SKAP1: variants seen among roughly 807,000 people sequenced by gnomAD.
SKAP1 encodes src kinase associated phosphoprotein 1.
A neutral mutation model predicts 58.5 loss-of-function variants in SKAP1; 44 were observed. That is an observed-to-expected ratio of 0.75 (90% CI 0.59 to 0.97). The LOEUF is 0.97. SKAP1 is among the 50% of genes least tolerant of loss of function. The pLI is 0.00. For missense variants in SKAP1, 390 were observed against 435.2 expected (o/e 0.90, Z 0.92); for synonymous variants, 127 against 149.7 (o/e 0.85, Z 1.11).
In SKAP1 at chr17:48,151,002, G is replaced by A. The variant is rs1230084950; in HGVS notation, c.978+11467C>T. On this transcript the variant is annotated intron_variant, in intron 11 of 12. Transcript: ENST00000336915. ...TAGGAGGTCAACAGTTGAAAAGCAA[G>A]ATTTAGAGAGATCTTTAAACAATCA... Among the ~76,000 whole-genome samples the A allele has an allele frequency of 6.7e-5, 10 of 149,020 alleles. No homozygotes were observed. In the Admixed American group the frequency reaches 6.8e-4, roughly 10 times the overall value.
intron 11 of SKAP1, among the ~76,000 whole-genome samples, chr17:48,158,906 A>C (rs1458667336): frequency 2.0e-5 from 3 of 151,390 alleles, no homozygotes; most frequent in Non-Finnish European, 4.4e-5. Context: ...GCCTGCAGTG[A>C]GCCGAGATCG....
chr17:48,220,581 G>C (rs2064990716), intron 4 of SKAP1, among the ~76,000 whole-genome samples: 1 of 152,168 alleles, frequency 6.6e-6, no homozygotes, highest in Non-Finnish European at 1.5e-5. Context: ...TTCAGGCCAG[G>C]TGCAGTGGCT....
intron 1 of SKAP1, among the ~76,000 whole-genome samples, chr17:48,408,906 T>C (rs879588398): frequency 1.2e-4 from 18 of 152,350 alleles, no homozygotes; most frequent in Admixed American, 6.5e-4. Flanking sequence ...ACTTCACTAC[T>C]CACTACTGAA....
intron 4 of SKAP1, among the ~76,000 whole-genome samples, chr17:48,252,713 A>AGTGTGTGTGTGTGTGT (rs71141977): frequency 2.1e-5 from 3 of 145,136 alleles, no homozygotes; most frequent in South Asian, 2.3e-4. Context: ...GCTCTAAGCT[A>AGTGTGTGTGTGTGTGT]GTGTGTGTGT....
At chr17:48,194,135 G>T (rs142578768) in intron 4 of SKAP1, among the ~76,000 whole-genome samples, 1 of 151,954 alleles carries the variant, frequency 6.6e-6, no homozygotes, top group South Asian at 2.1e-4. Flanking sequence ...AGAACAGCCC[G>T]TATAAAGAAA....
intron 4 of SKAP1, among the ~76,000 whole-genome samples, chr17:48,276,086 T>C (rs1014444179): frequency 7.9e-5 from 12 of 151,934 alleles, no homozygotes; most frequent in African/African-American, 2.9e-4. Flanking sequence ...AAATAAAGCC[T>C]AACTATCAAC....
intron 1 of SKAP1, among the ~76,000 whole-genome samples, chr17:48,399,461 C>G (rs894717348): frequency 6.6e-6 from 1 of 152,096 alleles, no homozygotes; most frequent in Non-Finnish European, 1.5e-5. Context: ...TAACATTGTA[C>G]TTAATGATTA....
chr17:48,229,704 C>CT (rs1325884690), intron 4 of SKAP1, among the ~76,000 whole-genome samples: 1 of 152,026 alleles, frequency 6.6e-6, no homozygotes, highest in East Asian at 1.9e-4. Flanking sequence ...CAACTCATAA[C>CT]TTTTTTCTCC....
intron 2 of SKAP1, among the ~76,000 whole-genome samples, chr17:48,391,524 T>A (rs977610622): frequency 1.3e-5 from 2 of 152,212 alleles, no homozygotes; most frequent in Non-Finnish European, 2.9e-5. Context: ...ACTCTTTAAC[T>A]CAGTTGTGAA....
intron 4 of SKAP1, among the ~76,000 whole-genome samples, chr17:48,292,774 C>T (rs988202151): frequency 2.0e-5 from 3 of 152,172 alleles, no homozygotes; most frequent in Non-Finnish European, 4.4e-5. Flanking sequence ...GGCAGAATTA[C>T]TCTTATGCTG....
chr17:48,381,544 G>A (rs1052374275), intron 2 of SKAP1, among the ~76,000 whole-genome samples: 1 of 152,178 alleles, frequency 6.6e-6, no homozygotes, highest in African/African-American at 2.4e-5. Context: ...ACAGTATTAT[G>A]TATGTGCAGT....
intron 4 of SKAP1, chr17:48,344,162 A>T (rs950418880): frequency 4.6e-6 from 1 of 218,070 alleles, no homozygotes; most frequent in Non-Finnish European, 7.8e-6. Context: ...TATCATAGAA[A>T]ATGACCCCAA....
intron 4 of SKAP1, among the ~76,000 whole-genome samples, chr17:48,200,770 C>T (rs911979837): frequency 6.6e-6 from 1 of 152,314 alleles, no homozygotes; most frequent in African/African-American, 2.4e-5. Flanking sequence ...GAGTGTGATA[C>T]TAATTATTTA....
At chr17:48,148,914 G>T (rs1211731991) in intron 11 of SKAP1, among the ~76,000 whole-genome samples, 3 of 152,210 alleles carry the variant, frequency 2.0e-5, no homozygotes, top group South Asian at 2.1e-4. Flanking sequence ...ATTCTCCAAA[G>T]AATTATTTTT....
chr17:48,258,750 A>T (rs979746), intron 4 of SKAP1, among the ~76,000 whole-genome samples: 4 of 151,952 alleles, frequency 2.6e-5, no homozygotes, highest in Admixed American at 6.6e-5. Context: ...TGAACATAAA[A>T]AACCATAAAG....
chr17:48,354,529 C>T (rs977151288), intron 3 of SKAP1, among the ~76,000 whole-genome samples: 1 of 152,178 alleles, frequency 6.6e-6, no homozygotes, highest in African/African-American at 2.4e-5. Context: ...GTTAAATTCA[C>T]ATCAGCTGAC....
chr17:48,316,561 G>C (rs549491172), intron 4 of SKAP1, among the ~76,000 whole-genome samples: 1 of 152,090 alleles, frequency 6.6e-6, no homozygotes, highest in Non-Finnish European at 1.5e-5. Context: ...ACCATGGCTT[G>C]ACATTATATA....
At chr17:48,351,640 T>G (rs1227904215) in intron 3 of SKAP1, among the ~76,000 whole-genome samples, 1 of 152,182 alleles carries the variant, frequency 6.6e-6, no homozygotes, top group Admixed American at 6.5e-5. Context: ...AAATTGAACC[T>G]AAGACTACAG....
At chr17:48,143,987 C>T (rs2063798722) in intron 11 of SKAP1, among the ~76,000 whole-genome samples, 1 of 152,220 alleles carries the variant, frequency 6.6e-6, no homozygotes, top group Non-Finnish European at 1.5e-5. Context: ...CTGCAAAAGC[C>T]AGGCTCCCAG....
Sources: gnomAD v4.1 joint callset for allele counts (sites outside exome capture counted in the v4.1 genomes callset) on GRCh38, gnomAD v4.1.1 for gene constraint, MANE v1.5 for transcripts, NCBI Gene and HGNC (gene_info 2026-07-23, HGNC 2026-07-21) for gene names.